SPRY1: variants seen among roughly 807,000 people sequenced by gnomAD.
SPRY1 encodes the protein protein sprouty homolog 1.
In SPRY1, 20 loss-of-function variants were observed where a neutral mutation model predicts 22.6. The observed-to-expected ratio is 0.89, with a 90% CI of 0.62 to 1.29. SPRY1 has a LOEUF of 1.29. Among genes scored for constraint, SPRY1 ranks in the 50% most tolerant of loss-of-function variants. SPRY1 has a pLI of 0.00. For missense variants in SPRY1, 446 were observed against 387.7 expected, an observed-to-expected ratio of 1.15 and a Z score of -1.26; for synonymous variants, 155 against 144.7, an observed-to-expected ratio of 1.07 and a Z score of -0.51.
chr4:123,397,749 C>A lies in SPRY1; in HGVS notation c.-163C>A, dbSNP rs1209234619. The A allele has an allele frequency of 2.0e-5, 3 of 151,632 alleles. No homozygotes were observed. Among genetic ancestry groups the A allele is most frequent in the African/African-American group, 7.3e-5 (3 of 41,242 alleles). The allele number at this position is 151,632 out of a possible 1,614,324, so 9.4% of individuals were successfully genotyped here. On this transcript the variant is annotated 5_prime_UTR_variant, in exon 2 of 3. Transcript: ENST00000651917. Reference sequence around the variant, plus strand: ...GTGCGGAATCGGCTAAGCGCGTCGGCCTGCGCGGGGCACAAGGGACGACGC... The same window carrying A: ...GTGCGGAATCGGCTAAGCGCGTCGGACTGCGCGGGGCACAAGGGACGACGC...
At chr4:123,397,509 T>G (rs925108146) in intron 1 of SPRY1, 102 bp from the exon 2 acceptor site, 1 of 152,220 alleles carries the variant, frequency 6.6e-6, no homozygotes, top group Admixed American at 6.5e-5. Context: ...AGGGAGCACA[T>G]GGCAACGGGC....
In SPRY1 at chr4:123,402,545, A is replaced by G. The variant is rs1304836183; in HGVS notation, c.954A>G (p.Pro318=). 7 of 1,598,614 alleles carry G rather than the reference A, an allele frequency of 4.4e-6. No individual in the cohort carries two copies. Among genetic ancestry groups the G allele is most frequent in the Non-Finnish European group, 6.0e-6 (7 of 1,169,730 alleles). ...ESCPSRGQGK[P]S is the part of the protein sequence containing the mutation. Reference sequence around the variant, plus strand: ...GCCCCTCCCGGGGTCAGGGTAAACCATCATGATTTTTGGAGGTGGGTTGTA... The same window carrying G: ...GCCCCTCCCGGGGTCAGGGTAAACCGTCATGATTTTTGGAGGTGGGTTGTA... The change falls in exon 3 of 3, where the codon CCA becomes CCG. Residue 318 remains proline (P), a synonymous_variant. Transcript: ENST00000651917.
In SPRY1 at chr4:123,401,880, C is replaced by T. The variant is rs760432286; in HGVS notation, c.289C>T (p.Leu97=). ...CTACGAGCACAGACACACAAGCCAC[C>T]TGGGACATGCAGTACTCCCAAGTAA... ...NNYEHRHTSH[L]GHAVLPSNAR... Residue 97 remains leucine, a synonymous_variant, in exon 3 of 3, where the codon CTG becomes TTG. Transcript: ENST00000651917. 1.1e-5 allele frequency: 18 copies of T among 1,614,086 alleles called. No homozygotes were observed. In the South Asian group the frequency reaches 1.6e-4, roughly 15 times the overall value.
chr4:123,397,877 C>A (rs536162154), intron 2 of SPRY1, 21 bp downstream of exon 2: 1 of 152,280 alleles, frequency 6.6e-6, no homozygotes, highest in Non-Finnish European at 1.5e-5. Context: ...CCCCCTCCCC[C>A]TCCCGGCCGC....
In SPRY1 at chr4:123,401,861, G is replaced by C. The variant is rs770404936; in HGVS notation, c.270G>C (p.Glu90Asp). 6.2e-7 allele frequency: 1 copy of C among 1,614,156 alleles called. No homozygotes were observed. Reference protein sequence around the residue: ...IIPINVNNNYEHRHTSHLGHA... With the variant: ...IIPINVNNNYDHRHTSHLGHA... ...CAATTAATGTGAATAATAACTACGA[G>C]CACAGACACACAAGCCACCTGGGAC... Residue 90 changes from glutamate to aspartate, a missense_variant, in exon 3 of 3, where the codon GAG becomes GAC. Transcript: ENST00000651917.
At position 123,402,415 on chromosome 4, in the gene SPRY1, C is replaced by T. The variant is rs200878762; in HGVS notation, c.824C>T (p.Pro275Leu). ...TTACCTTGCTTACTCTGTTATCCTC[C>T]TGCTAAAGGATGCCTGAAGCTGTGC... The part of the protein sequence containing the change: ...LFLPCLLCYP[P>L]AKGCLKLCRR... The change falls in exon 3 of 3, where the codon CCT becomes CTT. Residue 275 changes from proline (P) to leucine (L), a missense_variant. Transcript: ENST00000651917. The T allele has an allele frequency of 1.2e-6, 2 of 1,614,182 alleles. No individual in the cohort carries two copies. Among genetic ancestry groups the T allele is most frequent in the South Asian group, 1.1e-5 (1 of 91,082 alleles).
intron 2 of SPRY1, among the ~76,000 whole-genome samples, 187 bp from the exon 3 acceptor site, chr4:123,401,350 G>C (rs1298707417): frequency 2.6e-5 from 4 of 152,096 alleles, no homozygotes; most frequent in Admixed American, 2.0e-4. Context: ...CTTCCTCTAT[G>C]ATGTGGTCCC....
At position 123,397,658 on chromosome 4, in the gene SPRY1, T is replaced by A. The variant is rs968749144; in HGVS notation, c.-254T>A. 1.3e-5 allele frequency: 2 copies of A among 152,026 alleles called. No individual in the cohort carries two copies. Among genetic ancestry groups the A allele is most frequent in the African/African-American group, 4.8e-5 (2 of 41,372 alleles). 9.4% of individuals were successfully genotyped at this position (152,026 alleles called of 1,614,324 possible). A position where few individuals can be genotyped will look rare whatever the true frequency, so the allele number is the denominator to read the frequency against. On this transcript the variant is annotated 5_prime_UTR_variant, in exon 2 of 3. Coordinates refer to ENST00000651917, the MANE Select transcript of SPRY1 (RefSeq NM_001258038.2). ...GGCTCGGAGGACTGGGTGTGAGCGC[T>A]GCCCGGGAGAGGCTGACCTGCCGGG...
At chr4:123,401,352 TGTG>T (rs1268486347) in intron 2 of SPRY1, among the ~76,000 whole-genome samples, 182 bp from the exon 3 acceptor site, 6 of 152,180 alleles carry the variant, frequency 3.9e-5, no homozygotes, top group African/African-American at 1.4e-4. Context: ...TCCTCTATGA[TGTG>T]GTCCCCAGCC....
rs764433677 is a variant in SPRY1 at position 123,402,093 on chromosome 4, G to C, written c.502G>C (p.Gly168Arg). ...GCAACTGATTGTGGATGACTTGAAG[G>C]GTTCCTTGAAAGAGGACCTGACACA... ...PKQLIVDDLK[G>R]SLKEDLTQHK... The change falls in exon 3 of 3, where the codon GGT becomes CGT. Residue 168 changes from glycine to arginine, a missense_variant. By Grantham distance (125) the Gly-to-Arg change is moderately radical (BLOSUM62 -2). Coordinates refer to ENST00000651917, the MANE Select transcript of SPRY1 (RefSeq NM_001258038.2). The C allele has an allele frequency of 2.5e-5, 40 of 1,614,044 alleles. No individual in the cohort carries two copies. Among genetic ancestry groups the C allele is most frequent in the Non-Finnish European group, 3.1e-5 (36 of 1,180,030 alleles).
intron 2 of SPRY1, among the ~76,000 whole-genome samples, chr4:123,399,266 C>T (rs1367297784): frequency 6.6e-6 from 1 of 152,120 alleles, no homozygotes; most frequent in Non-Finnish European, 1.5e-5. Flanking sequence ...GTCACAGCTA[C>T]TCGAGAGACT....
At chr4:123,399,240 G>T (rs745566327) in intron 2 of SPRY1, among the ~76,000 whole-genome samples, 7 of 152,210 alleles carry the variant, frequency 4.6e-5, no homozygotes, top group Admixed American at 2.0e-4. Context: ...GCCGGCCGTG[G>T]TGACGCGCGA....
At chr4:123,400,046 C>T (rs1349969619) in intron 2 of SPRY1, 2 of 152,150 alleles carry the variant, frequency 1.3e-5, no homozygotes, top group African/African-American at 4.8e-5. Context: ...CTATTCAAAT[C>T]CTCTGCGGTT....
chr4:123,400,853 T>C (rs1725117419), intron 2 of SPRY1, among the ~76,000 whole-genome samples: 1 of 152,144 alleles, frequency 6.6e-6, no homozygotes, highest in Non-Finnish European at 1.5e-5. Flanking sequence ...CACTGGACTA[T>C]ACATTGAGTC....
Position 123,402,297 on chromosome 4 carries a change from G to A in SPRY1, c.706G>A (p.Asp236Asn), listed in dbSNP as rs1190299190. 1 of 1,614,204 alleles carries A rather than the reference G, an allele frequency of 6.2e-7. No individual in the cohort carries two copies. The change falls in exon 3 of 3, where the codon GAC becomes AAC. Residue 236 changes from aspartate to asparagine, a missense_variant. By Grantham distance (23) the Asp-to-Asn change is conservative. Transcript: ENST00000651917. ...KGIFYHCSND[D>N]EGDSYSDNPC... ...CATCTTCTACCACTGCTCCAATGAC[G>A]ACGAAGGGGATTCCTATTCAGATAA... is the stretch of plus-strand genomic sequence containing the variant.
In SPRY1 at chr4:123,402,382, C is replaced by T. The variant is rs745565941; in HGVS notation, c.791C>T (p.Ser264Phe). 3.7e-6 allele frequency: 6 copies of T among 1,614,186 alleles called. No homozygotes were observed. Among genetic ancestry groups the T allele is most frequent in the East Asian group, 2.2e-5 (1 of 44,886 alleles). The stretch of plus-strand genomic sequence containing the variant: ...AGATACCTGTGTATGGGAGCCATGT[C>T]TTTATTTTTACCTTGCTTACTCTGT... ...CSRYLCMGAMSLFLPCLLCYP... is the reference protein window; with the variant it reads ...CSRYLCMGAMFLFLPCLLCYP... The change falls in exon 3 of 3, where the codon TCT becomes TTT. Residue 264 changes from serine to phenylalanine, a missense_variant. Coordinates refer to ENST00000651917, the MANE Select transcript of SPRY1 (RefSeq NM_001258038.2).
Position 123,402,494 on chromosome 4 carries a change from C to A in SPRY1, c.903C>A (p.Asn301Lys). Reference sequence around the variant, plus strand: ...CAGGGTGCAGATGTAAGAACTCCAACACTGTCTATTGTAAGCTGGAGAGCT... The same window carrying A: ...CAGGGTGCAGATGTAAGAACTCCAAAACTGTCTATTGTAAGCTGGAGAGCT... ...HRPGCRCKNS[N>K]TVYCKLESCP... Residue 301 changes from asparagine to lysine, a missense_variant, in exon 3 of 3, where the codon AAC (asparagine) becomes AAA (lysine). Asn to Lys is a moderately conservative substitution (Grantham distance 94). Coordinates refer to ENST00000651917, the MANE Select transcript of SPRY1 (RefSeq NM_001258038.2). 2.5e-6 allele frequency: 4 copies of A among 1,614,186 alleles called. No homozygotes were observed. Among genetic ancestry groups the A allele is most frequent in the Non-Finnish European group, 3.4e-6 (4 of 1,180,014 alleles).
intron 2 of SPRY1, among the ~76,000 whole-genome samples, chr4:123,400,993 T>C (rs1725122999): frequency 6.6e-6 from 1 of 152,222 alleles, no homozygotes; most frequent in African/African-American, 2.4e-5. Flanking sequence ...AATTACCTAT[T>C]ATTTTGCGAT....
At chr4:123,401,097 A>C (rs1308042588) in intron 2 of SPRY1, among the ~76,000 whole-genome samples, 2 of 152,206 alleles carry the variant, frequency 1.3e-5, no homozygotes, top group African/African-American at 4.8e-5. Context: ...CTGTAGCACC[A>C]AAGCCATTCT....
Sources: allele counts gnomAD v4.1 joint callset (sites outside exome capture counted in the v4.1 genomes callset), GRCh38; gene constraint gnomAD v4.1.1; transcripts MANE v1.5; gene names NCBI Gene and HGNC (gene_info 2026-07-23, HGNC 2026-07-21).